The following ATP2C2 variants were observed in gnomAD, a reference collection of about 807,000 sequenced individuals.
ATP2C2 encodes the protein ATPase secretory pathway Ca2+ transporting 2, also known as calcium-transporting ATPase type 2C member 2.
In ATP2C2, 171 loss-of-function variants were observed where a neutral mutation model predicts 110.8. The observed-to-expected ratio is 1.54, with a 90% CI of 1.36 to 1.75. ATP2C2 has a LOEUF of 1.75. Ranked by LOEUF, ATP2C2 falls within the 40% of genes most tolerant of loss-of-function variation. The pLI, the probability that ATP2C2 is intolerant of heterozygous loss-of-function variation, is 0.00. For missense variants in ATP2C2, 1,963 were observed against 1,235.0 expected (o/e 1.59, Z -8.84); for synonymous variants, 804 against 508.4 (o/e 1.58, Z -7.82).
In ATP2C2 at chr16:84,448,551, T is replaced by C; in HGVS notation, c.1522T>C (p.Phe508Leu). ...TTCTAAGGATCAGGAAGACATTTAC[T>C]TCATGAAAGGGGCCTTGGAAGAGGT... Reference protein sequence around the residue: ...LKTEDQEDIYFMKGALEEVIR... With the variant: ...LKTEDQEDIYLMKGALEEVIR... Residue 508 changes from phenylalanine (F) to leucine (L), a missense_variant, in exon 17 of 27, where the codon TTC becomes CTC. Transcript: ENST00000262429. 6.2e-7 allele frequency: 1 copy of C among 1,612,540 alleles called. No homozygotes were observed. The highest frequency in any genetic ancestry group is 8.5e-7 in the Non-Finnish European group (1 of 1,179,064).
At chr16:84,446,115 C>G (rs1909724253) in intron 15 of ATP2C2, among the ~76,000 whole-genome samples, 1 of 151,892 alleles carries the variant, frequency 6.6e-6, no homozygotes, top group South Asian at 2.1e-4. Context: ...GTTGCAAAGA[C>G]CGTCTTGTCT....
intron 15 of ATP2C2, among the ~76,000 whole-genome samples, chr16:84,444,788 G>A (rs1269260339): frequency 6.6e-6 from 1 of 152,196 alleles, no homozygotes; most frequent in Non-Finnish European, 1.5e-5. Flanking sequence ...CCTGGCTTAA[G>A]ATTTTGGAAT....
rs550130600 is a variant in ATP2C2, at chr16:84,456,396, G to T, written c.2147+1412G>T. On this transcript the variant is annotated intron_variant, in intron 21 of 26. Transcript: ENST00000262429. ...CCACAGCCAATATCATACTGAATGGGCAAAAACTGGAAGCATTCCCTTTGA... is the reference window on the plus strand; with the variant it reads ...CCACAGCCAATATCATACTGAATGGTCAAAAACTGGAAGCATTCCCTTTGA... 1.3e-3 allele frequency among the ~76,000 whole-genome samples: 197 copies of T among 151,894 alleles called. 1 individual carries two copies. The highest frequency in any genetic ancestry group is 4.5e-3 in the African/African-American group (188 of 41,358).
rs576526614 is a variant in ATP2C2 at position 84,436,682 on chromosome 16, G to C, written c.987-2484G>C. On this transcript the variant is annotated intron_variant, in intron 11 of 26. Coordinates refer to ENST00000262429, the MANE Select transcript of ATP2C2 (RefSeq NM_014861.4). ...CCCCTCCTCAGCCTGGCCTCGGGTGGAGGTTTGGTGGGGAGGATCCGGCCA... is the reference window on the plus strand; with the variant it reads ...CCCCTCCTCAGCCTGGCCTCGGGTGCAGGTTTGGTGGGGAGGATCCGGCCA... Among the ~76,000 whole-genome samples, 105 of 152,166 alleles carry C rather than the reference G, an allele frequency of 6.9e-4. 1 individual carries two copies. Among genetic ancestry groups the C allele is most frequent in the African/African-American group, 2.4e-3 (98 of 41,510 alleles).
At chr16:84,415,340 A>G in intron 6 of ATP2C2, 143 bp from the exon 7 acceptor site, 1 of 698,258 alleles carries the variant, frequency 1.4e-6, no homozygotes, top group Admixed American at 2.5e-5. Context: ...TGTTAATTTC[A>G]AAATAATAAC....
chr16:84,407,137 T>G (rs1905847740), intron 3 of ATP2C2: 1 of 152,188 alleles, frequency 6.6e-6, no homozygotes. Context: ...TTACATGTGT[T>G]GAGTTCCTCC....
chr16:84,455,703 A>G (rs550201139), intron 21 of ATP2C2, among the ~76,000 whole-genome samples: 1 of 152,158 alleles, frequency 6.6e-6, no homozygotes, highest in Admixed American at 6.5e-5. Context: ...TGCACTTTAC[A>G]AAGGTGTCTC....
intron 11 of ATP2C2, among the ~76,000 whole-genome samples, chr16:84,436,689 G>A (rs538100409): frequency 1.3e-5 from 2 of 152,106 alleles, no homozygotes; most frequent in Non-Finnish European, 2.9e-5. Flanking sequence ...GTGGAGGTTT[G>A]GTGGGGAGGA....
intron 21 of ATP2C2, among the ~76,000 whole-genome samples, 155 bp from the exon 22 acceptor site, chr16:84,458,965 A>C (rs1467904312): frequency 6.6e-6 from 1 of 152,112 alleles, no homozygotes; most frequent in Non-Finnish European, 1.5e-5. Context: ...GTCTCCTACA[A>C]ATGTGTCCCC....
At chr16:84,402,683 A>G (rs781446204) in intron 2 of ATP2C2, among the ~76,000 whole-genome samples, 17 of 152,254 alleles carry the variant, frequency 1.1e-4, no homozygotes, top group Non-Finnish European at 2.4e-4. Context: ...GTGTTATTGC[A>G]TTCAATTTGC....
In ATP2C2 at chr16:84,422,737, G is replaced by T. The variant is rs771953698; in HGVS notation, c.843+40G>T. 3 of 1,568,722 alleles carry T rather than the reference G, an allele frequency of 1.9e-6. No homozygotes were observed. In the South Asian group the frequency reaches 3.5e-5, roughly 18 times the overall value. ...GGGGCTTCGGGACTTTTGTAAGCTG[G>T]AGTTTGAGATTATTATAGGCAAATA... On this transcript the variant is annotated intron_variant, in intron 9 of 26. Transcript: ENST00000262429.
intron 10 of ATP2C2, among the ~76,000 whole-genome samples, 177 bp from the exon 11 acceptor site, chr16:84,425,558 G>A (rs926242232): frequency 1.3e-5 from 2 of 152,136 alleles, no homozygotes; most frequent in African/African-American, 4.8e-5. Flanking sequence ...GGTTTTTGTA[G>A]GTATAAACGT....
chr16:84,393,812 G>C (rs1025249794), intron 1 of ATP2C2, among the ~76,000 whole-genome samples: 1 of 151,758 alleles, frequency 6.6e-6, no homozygotes, highest in African/African-American at 2.4e-5. Context: ...CAGGAGGACG[G>C]TTTCTAAGTG....
chr16:84,379,019 G>A (rs1161483177), intron 1 of ATP2C2, among the ~76,000 whole-genome samples: 1 of 151,974 alleles, frequency 6.6e-6, no homozygotes, highest in African/African-American at 2.4e-5. Context: ...GGATGTGCAG[G>A]TTTGTTACAT....
intron 1 of ATP2C2, among the ~76,000 whole-genome samples, chr16:84,390,571 G>A (rs1904592880): frequency 6.6e-6 from 1 of 152,148 alleles, no homozygotes; most frequent in Admixed American, 6.5e-5. Context: ...TGAAGTAGGC[G>A]GGACCGTGAC....
In ATP2C2 at chr16:84,410,776, G is replaced by C. The variant is rs373565348; in HGVS notation, c.515+11G>C. ...TCCAGAATGTAACTGGTAAGTCAGAGCCTCCCTGGGACTTTTTGGTTCACT... is the reference window on the plus strand; with the variant it reads ...TCCAGAATGTAACTGGTAAGTCAGACCCTCCCTGGGACTTTTTGGTTCACT... On this transcript the variant is annotated intron_variant, in intron 6 of 26. Coordinates refer to ENST00000262429, the MANE Select transcript of ATP2C2 (RefSeq NM_014861.4). The C allele has an allele frequency of 3.5e-4, 569 of 1,613,178 alleles. 2 individuals are homozygous for C. In the African/African-American group the frequency reaches 7.1e-3, roughly 20 times the overall value.
chr16:84,414,915 T>C (rs1047587713), intron 6 of ATP2C2, among the ~76,000 whole-genome samples: 5 of 151,976 alleles, frequency 3.3e-5, no homozygotes, highest in African/African-American at 1.2e-4. Context: ...AGCTGCCATA[T>C]GCAGGATGGG....
intron 16 of ATP2C2, among the ~76,000 whole-genome samples, chr16:84,447,300 G>C (rs1042767411): frequency 1.3e-5 from 2 of 152,078 alleles, no homozygotes; most frequent in African/African-American, 4.8e-5. Flanking sequence ...AGGGATTATA[G>C]ATTTTCAAAA....
chr16:84,401,656 A>G (rs1292514975), intron 2 of ATP2C2, among the ~76,000 whole-genome samples: 1 of 152,104 alleles, frequency 6.6e-6, no homozygotes, highest in African/African-American at 2.4e-5. Flanking sequence ...ATGGATTTAT[A>G]TCTGGGTTCT....
Sources: allele counts gnomAD v4.1 joint callset (sites outside exome capture counted in the v4.1 genomes callset), GRCh38; gene constraint gnomAD v4.1.1; transcripts MANE v1.5; gene names NCBI Gene and HGNC (gene_info 2026-07-23, HGNC 2026-07-21).